Variants in NALF1 observed in about 807,000 individuals in gnomAD.
The protein encoded by NALF1 is NALCN channel auxiliary factor 1.
Under a neutral mutation model 48.4 loss-of-function variants are expected in NALF1, and 3 were observed. That is an observed-to-expected ratio of 0.06 (90% CI 0.03 to 0.16). The LOEUF (loss-of-function observed/expected upper bound fraction) is 0.16. NALF1 is among the 10% of genes least tolerant of loss of function. The pLI is 1.00. For missense variants in NALF1, 526 were observed against 571.5 expected, an observed-to-expected ratio of 0.92 and a Z score of 0.81; for synonymous variants, 262 against 245.7, an observed-to-expected ratio of 1.07 and a Z score of -0.62.
At chr13:107,255,660 T>C (rs1594091749) in intron 1 of NALF1, among the ~76,000 whole-genome samples, 1 of 152,204 alleles carries the variant, frequency 6.6e-6, no homozygotes, top group African/African-American at 2.4e-5. Context: ...ATACCAAGTA[T>C]ATACATTATA....
intron 1 of NALF1, among the ~76,000 whole-genome samples, chr13:107,536,793 A>G (rs9559054): frequency 0.82 from 124,522 of 151,954 alleles, 51,482 homozygotes; most frequent in South Asian, 0.91. Flanking sequence ...TGTTTACTGC[A>G]GCACTATTCA....
At chr13:107,586,888 G>A (rs952707190) in intron 1 of NALF1, among the ~76,000 whole-genome samples, 2 of 151,716 alleles carry the variant, frequency 1.3e-5, no homozygotes, top group African/African-American at 4.8e-5. Context: ...AAGTTATAAG[G>A]AATAGATTAG....
intron 1 of NALF1, among the ~76,000 whole-genome samples, chr13:107,234,976 C>T (rs9514635): frequency 0.55 from 83,430 of 151,938 alleles, 25,875 homozygotes; most frequent in Middle Eastern, 0.73. Context: ...GCCTCTCCAC[C>T]TCCTTCAGCT....
intron 1 of NALF1, among the ~76,000 whole-genome samples, chr13:107,646,290 TA>T (rs80217872): frequency 0.013 from 1,757 of 132,002 alleles, 26 homozygotes; most frequent in African/African-American, 0.032. Flanking sequence ...GCCAACTTCT[TA>T]AAAAAAAAAA....
rs549216900 is a variant in NALF1, at chr13:107,445,258, G to A, written c.916-234503C>T. On this transcript the variant is annotated intron_variant, in intron 1 of 2. Coordinates refer to ENST00000375915, the MANE Select transcript of NALF1 (RefSeq NM_001080396.3). ...TACAGCCACCCTCTGCCCTCTCTCC[G>A]AAGTCCCTGACCTAATCTAGTCTTC... Among the ~76,000 whole-genome samples the A allele has an allele frequency of 4.7e-4, 72 of 152,196 alleles. 3 individuals are homozygous for A. The highest frequency in any genetic ancestry group is 1.9e-4 in the East Asian group (1 of 5,176).
At chr13:107,331,628 T>G (rs904556882) in intron 1 of NALF1, among the ~76,000 whole-genome samples, 5 of 152,222 alleles carry the variant, frequency 3.3e-5, no homozygotes, top group Non-Finnish European at 7.3e-5. Context: ...CATTAGAATT[T>G]TGTTCTCCTG....
In NALF1 at chr13:107,168,976, ATTTG is replaced by A. The variant is rs1878729201; in HGVS notation, c.*1517_*1520del. 6.6e-6 allele frequency: 1 copy of A among 152,026 alleles called. No individual in the cohort carries two copies. Among genetic ancestry groups the A allele is most frequent in the Non-Finnish European group, 1.5e-5 (1 of 67,892 alleles). 9.4% of individuals were successfully genotyped at this position (152,026 alleles called of 1,614,324 possible). On this transcript the variant is annotated 3_prime_UTR_variant, in exon 3 of 3. Coordinates refer to ENST00000375915, the MANE Select transcript of NALF1 (RefSeq NM_001080396.3). ...GGAATGTAAAATTTTTTTTTTAATT[ATTTG>A]TTTTGTTTGTTTGTTTGTTTTTTTA...
chr13:107,631,268 A>G (rs1879826769), intron 1 of NALF1, among the ~76,000 whole-genome samples: 1 of 152,130 alleles, frequency 6.6e-6, no homozygotes, highest in African/African-American at 2.4e-5. Context: ...TGCTTGCTAT[A>G]CTGGAGACCT....
chr13:107,509,558 T>G (rs1257880650), intron 1 of NALF1, among the ~76,000 whole-genome samples: 1 of 152,126 alleles, frequency 6.6e-6, no homozygotes, highest in African/African-American at 2.4e-5. Context: ...TCACACAATG[T>G]CTCTTTTACA....
chr13:107,502,555 C>G (rs766397496), intron 1 of NALF1, among the ~76,000 whole-genome samples: 4 of 152,136 alleles, frequency 2.6e-5, no homozygotes, highest in Non-Finnish European at 4.4e-5. Flanking sequence ...CACAGGTTAC[C>G]TTGAACATTC....
intron 1 of NALF1, among the ~76,000 whole-genome samples, chr13:107,278,379 G>A (rs1881321932): frequency 6.6e-6 from 1 of 152,188 alleles, no homozygotes; most frequent in Admixed American, 6.5e-5. Flanking sequence ...TGTTTATGGA[G>A]TGTATATGCA....
At chr13:107,465,672 G>A (rs1884990701) in intron 1 of NALF1, among the ~76,000 whole-genome samples, 1 of 152,180 alleles carries the variant, frequency 6.6e-6, no homozygotes, top group South Asian at 2.1e-4. Flanking sequence ...GGGCACTGGG[G>A]AGTGTATTTG....
chr13:107,453,427 T>C (rs1224593848), intron 1 of NALF1, among the ~76,000 whole-genome samples: 1 of 152,250 alleles, frequency 6.6e-6, no homozygotes, highest in Non-Finnish European at 1.5e-5. Context: ...TTACAACCTC[T>C]GAAGCCATGG....
chr13:107,193,020 G>C (rs1879314556), intron 2 of NALF1, among the ~76,000 whole-genome samples: 1 of 150,616 alleles, frequency 6.6e-6, no homozygotes, highest in Non-Finnish European at 1.5e-5. Context: ...AAACATTTGT[G>C]CAATTTACAT....
intron 1 of NALF1, among the ~76,000 whole-genome samples, chr13:107,254,062 A>AAAAAAATATATATATATATATATATAT: frequency 7.9e-5 from 11 of 138,578 alleles, no homozygotes; most frequent in African/African-American, 2.7e-4. Context: ...CAAGTACTAA[A>AAAAAAATATATATATATATATATATAT]ATATATATAT....
At chr13:107,705,225 T>C (rs1437725765) in intron 1 of NALF1, among the ~76,000 whole-genome samples, 3 of 152,198 alleles carry the variant, frequency 2.0e-5, no homozygotes, top group Admixed American at 6.5e-5. Flanking sequence ...AACGAAGAAG[T>C]TGATACTATT....
chr13:107,422,060 T>A (rs913222330), intron 1 of NALF1, among the ~76,000 whole-genome samples: 1 of 152,138 alleles, frequency 6.6e-6, no homozygotes, highest in Non-Finnish European at 1.5e-5. Context: ...ACCCATAAGA[T>A]GTATTCCAGG....
Position 107,167,243 on chromosome 13 carries a change from T to C in NALF1, c.*3254A>G, listed in dbSNP as rs550656110. On this transcript the variant is annotated 3_prime_UTR_variant, in exon 3 of 3. Coordinates refer to ENST00000375915, the MANE Select transcript of NALF1 (RefSeq NM_001080396.3). The stretch of plus-strand genomic sequence containing the variant: ...TTGTAGTTCATTAGCCAGTATACGG[T>C]AGACATCCTCTACAGGAAAAACTAA... 46 of 152,330 alleles carry C rather than the reference T, an allele frequency of 3.0e-4. No homozygotes were observed. The East Asian group carries it at 8.1e-3, about 27-fold the overall frequency. The allele number at this position is 152,330 out of a possible 1,614,324, so 9.4% of individuals were successfully genotyped here.
chr13:107,544,211 T>C (rs112626918), intron 1 of NALF1, among the ~76,000 whole-genome samples: 29 of 152,204 alleles, frequency 1.9e-4, no homozygotes, highest in African/African-American at 6.5e-4. Context: ...CATAAAGAGG[T>C]GGGCTGATGC....
Sources: allele counts gnomAD v4.1 joint callset (sites outside exome capture counted in the v4.1 genomes callset), GRCh38; gene constraint gnomAD v4.1.1; transcripts MANE v1.5; gene names NCBI Gene and HGNC (gene_info 2026-07-23, HGNC 2026-07-21).